The following FAF1 variants were observed in gnomAD, a reference collection of about 807,000 sequenced individuals.
FAF1 encodes the protein FAS-associated factor 1.
In FAF1, 25 loss-of-function variants were observed where a neutral mutation model predicts 92.5. The ratio of observed to expected loss-of-function variants is 0.27; its 90% confidence interval spans 0.20 to 0.38. FAF1 has a LOEUF of 0.38. FAF1 is among the 10% of genes least tolerant of loss of function. The probability of loss-of-function intolerance (pLI) is 1.00; values close to 1 mark genes in which losing one functional copy is unlikely to be tolerated. For missense variants in FAF1, 636 were observed against 793.3 expected, an observed-to-expected ratio of 0.80 and a Z score of 2.38; for synonymous variants, 234 against 273.2, an observed-to-expected ratio of 0.86 and a Z score of 1.42.
intron 1 of FAF1, among the ~76,000 whole-genome samples, chr1:50,891,599 C>A (rs113283551): frequency 1.0e-3 from 156 of 152,300 alleles, no homozygotes; most frequent in African/African-American, 3.5e-3. Flanking sequence ...AGCTGCAGGT[C>A]TGTTGGTGTT....
At chr1:50,694,792 C>CAAAAAAAAA (rs371721063) in intron 7 of FAF1, among the ~76,000 whole-genome samples, 3 of 55,806 alleles carry the variant, frequency 5.4e-5, no homozygotes, top group African/African-American at 1.7e-4. Flanking sequence ...CTAAAAAATA[C>CAAAAAAAAA]AAAAAAAAAA....
intron 13 of FAF1, among the ~76,000 whole-genome samples, chr1:50,555,270 G>A (rs1046475787): frequency 1.4e-5 from 2 of 145,880 alleles, no homozygotes; most frequent in Admixed American, 6.7e-5. Context: ...CACACCCCAG[G>A]ACTCTGACAC....
intron 8 of FAF1, among the ~76,000 whole-genome samples, chr1:50,652,803 T>A (rs1166185268): frequency 1.3e-5 from 2 of 152,252 alleles, no homozygotes; most frequent in Non-Finnish European, 1.5e-5. Context: ...TTCTTGCCTG[T>A]AATTGTAATC....
At chr1:50,720,554 C>T (rs1449858516) in intron 6 of FAF1, among the ~76,000 whole-genome samples, 1 of 152,134 alleles carries the variant, frequency 6.6e-6, no homozygotes, top group African/African-American at 2.4e-5. Flanking sequence ...CAATATGACA[C>T]TTTGGTATGC....
intron 2 of FAF1, among the ~76,000 whole-genome samples, chr1:50,802,900 A>G (rs893924630): frequency 2.6e-5 from 4 of 152,238 alleles, no homozygotes; most frequent in Non-Finnish European, 5.9e-5. Flanking sequence ...TAACTTAAGT[A>G]TTTGCCACAG....
chr1:50,510,453 G>C (rs1647119776), intron 15 of FAF1, among the ~76,000 whole-genome samples: 1 of 151,932 alleles, frequency 6.6e-6, no homozygotes, highest in Admixed American at 6.6e-5. Flanking sequence ...AAATGGTAGA[G>C]GGGGGGAAGC....
intron 8 of FAF1, among the ~76,000 whole-genome samples, chr1:50,596,949 T>C (rs1376495942): frequency 6.6e-6 from 1 of 152,210 alleles, no homozygotes; most frequent in African/African-American, 2.4e-5. Flanking sequence ...TTGAAAAATG[T>C]CTTGGGAAGA....
chr1:50,706,472 C>T (rs1204397502), intron 6 of FAF1, among the ~76,000 whole-genome samples: 1 of 151,994 alleles, frequency 6.6e-6, no homozygotes, highest in Non-Finnish European at 1.5e-5. Flanking sequence ...TTTTGTAAAG[C>T]CTATAACAAA....
chr1:50,850,951 A>C (rs1156747645), intron 2 of FAF1, among the ~76,000 whole-genome samples: 3 of 152,194 alleles, frequency 2.0e-5, no homozygotes, highest in Non-Finnish European at 4.4e-5. Flanking sequence ...CTTTGCTACA[A>C]TGATATTTTG....
intron 7 of FAF1, among the ~76,000 whole-genome samples, chr1:50,672,283 C>T (rs1257289252): frequency 1.3e-5 from 2 of 151,984 alleles, no homozygotes; most frequent in African/African-American, 2.4e-5. Context: ...CCTTGTGATC[C>T]ACCCGCCTCA....
Position 50,511,468 on chromosome 1 carries a change from A to G in FAF1, c.1495-19667T>C, listed in dbSNP as rs190626210. Among the ~76,000 whole-genome samples the G allele has an allele frequency of 5.3e-5, 8 of 151,038 alleles. No homozygotes were observed. In the East Asian group the frequency reaches 1.2e-3, roughly 22 times the overall value. ...TGTGTCCATGTGTTCTCATTGTTCA[A>G]CTCCCACTTATGAGTGAGAACATGT... On this transcript the variant is annotated intron_variant, in intron 15 of 18. Coordinates refer to ENST00000396153, the MANE Select transcript of FAF1 (RefSeq NM_007051.3).
intron 8 of FAF1, among the ~76,000 whole-genome samples, chr1:50,602,141 G>C (rs1652168470): frequency 6.6e-6 from 1 of 152,176 alleles, no homozygotes; most frequent in South Asian, 2.1e-4. Flanking sequence ...AGTAACACAA[G>C]TGAACGAGAT....
At chr1:50,704,059 C>A (rs976447868) in intron 7 of FAF1, among the ~76,000 whole-genome samples, 12 of 152,152 alleles carry the variant, frequency 7.9e-5, no homozygotes, top group African/African-American at 2.9e-4. Context: ...CTTTTTAAAT[C>A]TCCCTGTTTA....
intron 2 of FAF1, among the ~76,000 whole-genome samples, chr1:50,842,852 T>C (rs1226050546): frequency 6.6e-6 from 1 of 152,310 alleles, no homozygotes; most frequent in East Asian, 1.9e-4. Context: ...TTACACTGTA[T>C]ATTTATAAAT....
chr1:50,625,607 G>A lies in FAF1; in HGVS notation c.745-29391C>T, dbSNP rs117467082. Reference sequence around the variant, plus strand: ...AATTAAAGAGGAGGGTAGGCGGAGTGTAAGCACCTTAGAAGAGAAAGAAAT... The same window carrying A: ...AATTAAAGAGGAGGGTAGGCGGAGTATAAGCACCTTAGAAGAGAAAGAAAT... On this transcript the variant is annotated intron_variant, in intron 8 of 18. Transcript: ENST00000396153. Among the ~76,000 whole-genome samples the A allele has an allele frequency of 3.9e-5, 6 of 152,262 alleles. No homozygotes were observed. The East Asian group carries it at 1.2e-3, about 29-fold the overall frequency.
chr1:50,919,179 T>C (rs1446937860), intron 1 of FAF1, among the ~76,000 whole-genome samples: 2 of 152,082 alleles, frequency 1.3e-5, no homozygotes, highest in African/African-American at 4.8e-5. Flanking sequence ...ATGAAAAACA[T>C]GCAAATAATG....
chr1:50,955,259 A>G (rs1645256297), intron 1 of FAF1, among the ~76,000 whole-genome samples: 1 of 152,220 alleles, frequency 6.6e-6, no homozygotes, highest in Non-Finnish European at 1.5e-5. Context: ...TTTCACCTGA[A>G]TGCATCTCTT....
Position 50,440,075 on chromosome 1 carries a change from G to T in FAF1, c.*1365C>A, listed in dbSNP as rs1040265998. On this transcript the variant is annotated 3_prime_UTR_variant, in exon 19 of 19. Coordinates refer to ENST00000396153, the MANE Select transcript of FAF1 (RefSeq NM_007051.3). ...TTCTGAGAACCCCTTGGCCGAGGCT[G>T]GGGGAACAAACCCAGCATTTGAACT... 51 of 152,170 alleles carry T rather than the reference G, an allele frequency of 3.4e-4. 1 individual carries two copies. Among genetic ancestry groups the T allele is most frequent in the African/African-American group, 1.2e-3 (51 of 41,426 alleles). 9.4% of individuals were successfully genotyped at this position (152,170 alleles called of 1,614,324 possible). A position where few individuals can be genotyped will look rare whatever the true frequency, so the allele number is the denominator to read the frequency against.
At chr1:50,559,375 C>T (rs1649758359) in intron 13 of FAF1, among the ~76,000 whole-genome samples, 1 of 152,194 alleles carries the variant, frequency 6.6e-6, no homozygotes. Flanking sequence ...TCCATTCTCC[C>T]TTTCCTTTTT....
Sources: gnomAD v4.1 joint callset for allele counts (sites outside exome capture counted in the v4.1 genomes callset) on GRCh38, gnomAD v4.1.1 for gene constraint, MANE v1.5 for transcripts, NCBI Gene and HGNC (gene_info 2026-07-23, HGNC 2026-07-21) for gene names.